Variants in FHIT observed in about 807,000 individuals in gnomAD.
The protein encoded by FHIT is bis(5'-adenosyl)-triphosphatase.
FHIT carries 19 observed loss-of-function variants against 17.9 expected under a neutral mutation model. That is an observed-to-expected ratio of 1.06 (90% CI 0.74 to 1.56). The LOEUF (loss-of-function observed/expected upper bound fraction) is 1.56, where lower values mean the gene tolerates loss of function less well. Ranked by LOEUF, FHIT falls within the 40% of genes most tolerant of loss-of-function variation. The probability of loss-of-function intolerance (pLI) is 0.00; values close to 1 mark genes in which losing one functional copy is unlikely to be tolerated. For missense variants in FHIT, 248 were observed against 189.2 expected (o/e 1.31, Z -1.82); for synonymous variants, 81 against 69.7 (o/e 1.16, Z -0.81).
intron 1 of FHIT, among the ~76,000 whole-genome samples, chr3:61,204,453 TC>T (rs2106703402): frequency 6.6e-6 from 1 of 152,276 alleles, no homozygotes; most frequent in East Asian, 1.9e-4. Flanking sequence ...AACAGAAATT[TC>T]CAAATCAATA....
At chr3:60,266,664 C>T (rs528019401) in intron 5 of FHIT, among the ~76,000 whole-genome samples, 1 of 152,000 alleles carries the variant, frequency 6.6e-6, no homozygotes, top group Non-Finnish European at 1.5e-5. Flanking sequence ...TTGCGACACC[C>T]CCTCATCCTG....
chr3:60,612,247 C>G (rs115196039), intron 4 of FHIT, among the ~76,000 whole-genome samples: 4,877 of 152,240 alleles, frequency 0.032, 129 homozygotes, highest in South Asian at 0.062. Flanking sequence ...CACATATTCT[C>G]TGATCTCCAT....
intron 4 of FHIT, among the ~76,000 whole-genome samples, chr3:60,769,828 C>T (rs192992003): frequency 1.2e-4 from 19 of 152,332 alleles, no homozygotes; most frequent in African/African-American, 4.3e-4. Context: ...AGCTAGGTTA[C>T]AGTTCATCCA....
intron 5 of FHIT, among the ~76,000 whole-genome samples, chr3:60,074,219 G>A (rs1296393397): frequency 2.0e-5 from 3 of 151,938 alleles, no homozygotes; most frequent in Non-Finnish European, 4.4e-5. Flanking sequence ...CCAAGTACTG[G>A]GGACAGTTTG....
intron 5 of FHIT, among the ~76,000 whole-genome samples, chr3:60,483,959 T>C (rs2033727558): frequency 6.6e-6 from 1 of 152,164 alleles, no homozygotes; most frequent in Non-Finnish European, 1.5e-5. Context: ...CTCCTTAAAC[T>C]GATAAGCAAT....
intron 5 of FHIT, among the ~76,000 whole-genome samples, chr3:60,442,403 A>T (rs562863739): frequency 1.8e-4 from 28 of 152,132 alleles, no homozygotes; most frequent in African/African-American, 6.0e-4. Context: ...TTTATGGTTT[A>T]AGATCTAACA....
At position 60,690,507 on chromosome 3, in the gene FHIT, A is replaced by G. The variant is rs573111942; in HGVS notation, c.-18+131412T>C. On this transcript the variant is annotated intron_variant, in intron 4 of 9. Transcript: ENST00000492590. ...TGTAGATGGACTTGCTACCAGTGCC[A>G]TTATGGCATGTGAAGTCACCACCCT... 372 of 563,484 alleles carry G rather than the reference A, an allele frequency of 6.6e-4. 5 individuals carry two copies. The highest frequency in any genetic ancestry group is 4.8e-3 in the South Asian group (345 of 72,352). 34.9% of individuals were successfully genotyped at this position (563,484 alleles called of 1,614,324 possible).
chr3:60,595,852 G>A (rs2038253603), intron 4 of FHIT, among the ~76,000 whole-genome samples: 1 of 151,922 alleles, frequency 6.6e-6, no homozygotes, highest in Non-Finnish European at 1.5e-5. Flanking sequence ...TGCCCAGGCT[G>A]GTCTTGAACT....
At chr3:60,511,513 G>A (rs1034945421) in intron 5 of FHIT, among the ~76,000 whole-genome samples, 6 of 152,000 alleles carry the variant, frequency 3.9e-5, no homozygotes, top group Admixed American at 6.6e-5. Flanking sequence ...TATTTTGAGG[G>A]TACTATAGGG....
intron 5 of FHIT, among the ~76,000 whole-genome samples, chr3:60,223,531 C>A (rs2107537904): frequency 6.6e-6 from 1 of 152,210 alleles, no homozygotes; most frequent in African/African-American, 2.4e-5. Context: ...ACACACCCAC[C>A]TTCCCTTCAA....
At chr3:60,962,795 G>A (rs1173517977) in intron 3 of FHIT, among the ~76,000 whole-genome samples, 6 of 152,180 alleles carry the variant, frequency 3.9e-5, no homozygotes, top group African/African-American at 7.2e-5. Context: ...GATCGTGGTG[G>A]ATAAGCTTTT....
intron 4 of FHIT, among the ~76,000 whole-genome samples, chr3:60,542,957 T>C (rs1022301287): frequency 6.6e-6 from 1 of 152,238 alleles, no homozygotes; most frequent in African/African-American, 2.4e-5. Flanking sequence ...GCTTCATTTT[T>C]CTTTTTGTGA....
intron 8 of FHIT, among the ~76,000 whole-genome samples, chr3:59,758,307 C>G (rs1172191334): frequency 6.6e-6 from 1 of 152,168 alleles, no homozygotes; most frequent in Non-Finnish European, 1.5e-5. Flanking sequence ...CAGCACTGTT[C>G]CCTGATGAAT....
intron 8 of FHIT, among the ~76,000 whole-genome samples, chr3:59,919,073 T>C (rs150231091): frequency 1.6e-3 from 248 of 152,268 alleles, no homozygotes; most frequent in Non-Finnish European, 2.7e-3. Flanking sequence ...ACCCAAACAT[T>C]GCAATACTGA....
chr3:61,117,483 T>C (rs1311549868), intron 2 of FHIT, among the ~76,000 whole-genome samples: 1 of 152,162 alleles, frequency 6.6e-6, no homozygotes, highest in Non-Finnish European at 1.5e-5. Context: ...CTGTATGTTT[T>C]GTAATAAAAA....
intron 2 of FHIT, among the ~76,000 whole-genome samples, chr3:61,199,634 T>A (rs1263527113): frequency 1.3e-5 from 2 of 152,086 alleles, no homozygotes; most frequent in African/African-American, 2.4e-5. Context: ...ACATGAAAAA[T>A]TCAGCCCCAG....
chr3:60,568,002 G>A (rs763023566), intron 4 of FHIT, among the ~76,000 whole-genome samples: 5 of 152,180 alleles, frequency 3.3e-5, no homozygotes, highest in Non-Finnish European at 7.3e-5. Context: ...ACTTTACAGT[G>A]TTGGTGGGAC....
chr3:59,921,231 A>C (rs367627937), intron 8 of FHIT, among the ~76,000 whole-genome samples: 39 of 152,224 alleles, frequency 2.6e-4, no homozygotes, highest in East Asian at 2.5e-3. Context: ...CTGCTGACCT[A>C]TTGTTCTTTA....
intron 4 of FHIT, among the ~76,000 whole-genome samples, chr3:60,636,662 G>A (rs2039593334): frequency 6.6e-6 from 1 of 152,176 alleles, no homozygotes; most frequent in South Asian, 2.1e-4. Context: ...GAAGTGAGAG[G>A]AGGAAAATAA....
Sources: gnomAD v4.1 joint callset for allele counts (sites outside exome capture counted in the v4.1 genomes callset) on GRCh38, gnomAD v4.1.1 for gene constraint, MANE v1.5 for transcripts, NCBI Gene and HGNC (gene_info 2026-07-23, HGNC 2026-07-21) for gene names.